The following ANK1 variants were observed in gnomAD, a reference collection of about 807,000 sequenced individuals.
ANK1 encodes the protein ankyrin-1.
Under a neutral mutation model 210.4 loss-of-function variants are expected in ANK1, and 51 were observed. The observed-to-expected ratio is 0.24, with a 90% CI of 0.19 to 0.31. The LOEUF (loss-of-function observed/expected upper bound fraction) is 0.31. ANK1 is among the 10% of genes least tolerant of loss of function. The pLI is 1.00. For missense variants in ANK1, 2,051 were observed against 2,504.4 expected (o/e 0.82, Z 3.86); for synonymous variants, 967 against 1,025.9 (o/e 0.94, Z 1.10).
chr8:41,714,843 G>C (rs1003239090), intron 15 of ANK1, 133 bp downstream of exon 15: 3 of 932,216 alleles, frequency 3.2e-6, no homozygotes, highest in Middle Eastern at 2.7e-4. Context: ...CTGGGCAACA[G>C]AGCGAGACCC....
chr8:41,663,890 G>A, intron 39 of ANK1, 148 bp from the exon 40 acceptor site: 1 of 730,596 alleles, frequency 1.4e-6, no homozygotes, highest in African/African-American at 1.7e-5. Context: ...CATGTAGCAG[G>A]AGCCATGCCA....
chr8:41,881,140 G>A (rs1817508040), intron 1 of ANK1, among the ~76,000 whole-genome samples: 2 of 152,208 alleles, frequency 1.3e-5, no homozygotes, highest in African/African-American at 4.8e-5. Context: ...CCTCATGAAG[G>A]GGATGGGGTG....
At chr8:41,798,829 T>A (rs1277435248), upstream of ANK1, among the ~76,000 whole-genome samples, 1 of 152,156 alleles carries the variant, frequency 6.6e-6, no homozygotes, top group Non-Finnish European at 1.5e-5. Context: ...CCTCACGTGA[T>A]GCTTGGCCTC....
intron 12 of ANK1, 65 bp downstream of exon 12, chr8:41,717,539 T>C (rs989426703): frequency 2.1e-6 from 3 of 1,404,274 alleles, no homozygotes; most frequent in Non-Finnish European, 2.0e-6. Flanking sequence ...CTGGGAGCAC[T>C]GGTGAAAGCT....
chr8:41,663,179 T>C (rs1248062097), intron 40 of ANK1, among the ~76,000 whole-genome samples: 2 of 151,690 alleles, frequency 1.3e-5, no homozygotes, highest in Non-Finnish European at 2.9e-5. Context: ...AGAGATGGAG[T>C]CTTGCCATAT....
chr8:41,801,186 C>T (rs1587059423), upstream of ANK1, among the ~76,000 whole-genome samples: 1 of 152,216 alleles, frequency 6.6e-6, no homozygotes, highest in East Asian at 1.9e-4. Flanking sequence ...TCACGATTCA[C>T]TGCAGCCTTG....
rs1194620773 is a variant in ANK1, at chr8:41,698,121, C to T, written c.2559G>A (p.Val853=). The T allele has an allele frequency of 6.2e-7, 1 of 1,613,914 alleles. No homozygotes were observed. The highest frequency in any genetic ancestry group is 1.3e-5 in the African/African-American group (1 of 74,920). Residue 853 remains valine (V), a splice_region_variant and synonymous_variant, in exon 24 of 43, where the codon GTG becomes GTA. Coordinates refer to ENST00000289734, the MANE Select transcript of ANK1 (RefSeq NM_000037.4). ...LLDFVPKLDQ[V]VESPAIPRIP... ...TCCTGGGGATGGCTGGAGATTCCAC[C>T]CTGCGTGCCAAGAACACCAGAACAT...
rs113854854 is a variant in ANK1 at position 41,884,716 on chromosome 8, C to G, written c.126+11639G>C. On this transcript the variant is annotated intron_variant, in intron 1 of 42. Coordinates refer to the ANK1 transcript ENST00000265709. ...AGTTTGGTGGTGCGTGTCTGTAGTC[C>G]TAGCTACTCAGAGGCTGTGTTGGGA... 1.6e-4 allele frequency among the ~76,000 whole-genome samples: 24 copies of G among 152,220 alleles called. 1 individual carries two copies. The South Asian group carries it at 3.9e-3, about 25-fold the overall frequency.
In ANK1 at chr8:41,694,600, C is replaced by A; in HGVS notation, c.3319G>T (p.Ala1107Ser). ...ENAVTKRVKLALQAQPVPDEL... is the reference protein window; with the variant it reads ...ENAVTKRVKLSLQAQPVPDEL... ...GGGAGGAGGGCTGTCACCTGCAGAG[C>A]CAGCTTCACTCTCTTGGTGACGGCA... Residue 1107 changes from alanine (A) to serine (S), a missense_variant, in exon 28 of 43, where the codon GCT becomes TCT. Ala to Ser is a moderately conservative substitution (Grantham distance 99, BLOSUM62 1). Coordinates refer to ENST00000289734, the MANE Select transcript of ANK1 (RefSeq NM_000037.4). This position sits in a 1 kb window ranked among gnomAD's most constrained non-coding sequence, Gnocchi z 5.7. The A allele has an allele frequency of 6.2e-7, 1 of 1,613,118 alleles. No individual in the cohort carries two copies. Among genetic ancestry groups the A allele is most frequent in the South Asian group, 1.1e-5 (1 of 90,914 alleles).
At chr8:41,795,311 G>A (rs149267837) in intron 1 of ANK1, among the ~76,000 whole-genome samples, 2,804 of 151,926 alleles carry the variant, frequency 0.018, 30 homozygotes, top group African/African-American at 0.026. Flanking sequence ...TCAGGAGTTC[G>A]AGACCAGCCT....
At chr8:41,703,400 A>ATG (rs1199694080) in intron 20 of ANK1, among the ~76,000 whole-genome samples, 2,077 of 73,424 alleles carry the variant, frequency 0.028, 47 homozygotes, top group East Asian at 0.048. Context: ...ATATATGTAT[A>ATG]TGTGTGTGTG....
At position 41,715,772 on chromosome 8, in the gene ANK1, G is replaced by A; in HGVS notation, c.1482C>T (p.Ala494=). The change falls in exon 14 of 43, where the codon GCC becomes GCT. Residue 494 remains alanine (A), a synonymous_variant. Transcript: ENST00000289734. The part of the protein sequence containing the change: ...NMVKLLLENN[A]NPNLATTAGH... ...CGGCGGTGGTGGCCAGGTTGGGGTT[G>A]GCGTTATTTTCCAGCAGGAGCTTCA... 2 of 1,614,212 alleles carry A rather than the reference G, an allele frequency of 1.2e-6. No homozygotes were observed. The highest frequency in any genetic ancestry group is 1.7e-6 in the Non-Finnish European group (2 of 1,180,044).
At chr8:41,875,609 C>G (rs1225771715) in intron 1 of ANK1, among the ~76,000 whole-genome samples, 2 of 152,194 alleles carry the variant, frequency 1.3e-5, no homozygotes, top group Non-Finnish European at 2.9e-5. Flanking sequence ...CATGGCCATT[C>G]GTTTCTCCTC....
At chr8:41,833,900 C>T (rs77330756) in intron 1 of ANK1, among the ~76,000 whole-genome samples, 119 of 152,232 alleles carry the variant, frequency 7.8e-4, no homozygotes, top group African/African-American at 2.7e-3. Flanking sequence ...ATGCCTGACA[C>T]TAGTATGAAA....
intron 39 of ANK1, among the ~76,000 whole-genome samples, chr8:41,667,055 C>T (rs1225803915): frequency 6.6e-6 from 1 of 152,102 alleles, no homozygotes; most frequent in Non-Finnish European, 1.5e-5. Flanking sequence ...GAGAAGAGAC[C>T]CAGTTAAGAT....
chr8:41,839,549 T>C (rs778023568), intron 1 of ANK1, among the ~76,000 whole-genome samples: 1 of 152,364 alleles, frequency 6.6e-6, no homozygotes, highest in Non-Finnish European at 1.5e-5. Flanking sequence ...TTCATATCTT[T>C]GGAAGGCACA....
chr8:41,782,516 C>T (rs1027061039), intron 1 of ANK1, among the ~76,000 whole-genome samples: 20 of 152,254 alleles, frequency 1.3e-4, no homozygotes, highest in Middle Eastern at 3.4e-3. Flanking sequence ...GAGCAGCGTA[C>T]GGACTGAGTG....
chr8:41,820,615 C>T (rs1228357684), intron 1 of ANK1, among the ~76,000 whole-genome samples: 2 of 152,044 alleles, frequency 1.3e-5, no homozygotes, highest in Non-Finnish European at 2.9e-5. Flanking sequence ...GCAGGGGTCC[C>T]AGAGCAAGCT....
chr8:41,770,268 C>A (rs1842755090), intron 1 of ANK1, among the ~76,000 whole-genome samples: 1 of 152,160 alleles, frequency 6.6e-6, no homozygotes, highest in Admixed American at 6.5e-5. Context: ...CGGGCGTGAG[C>A]CACTGCGCCC....
Sources: gnomAD v4.1 joint callset for allele counts (sites outside exome capture counted in the v4.1 genomes callset) on GRCh38, gnomAD v4.1.1 for gene constraint, Gnocchi (gnomAD v3.1) non-coding constraint, MANE v1.5 for transcripts, NCBI Gene and HGNC (gene_info 2026-07-23, HGNC 2026-07-21) for gene names.